NR1D2: variants seen among roughly 807,000 people sequenced by gnomAD.
NR1D2 encodes V-erbA-related protein 1-related.
In NR1D2, 25 loss-of-function variants were observed where a neutral mutation model predicts 52.2. That is an observed-to-expected ratio of 0.48 (90% CI 0.35 to 0.67). The LOEUF (loss-of-function observed/expected upper bound fraction) is 0.67. NR1D2 is among the 30% of genes least tolerant of loss of function. NR1D2 has a pLI of 0.01. For missense variants in NR1D2, 681 were observed against 707.2 expected (o/e 0.96, Z 0.42); for synonymous variants, 259 against 230.1 (o/e 1.13, Z -1.14).
At chr3:23,960,211 C>T (rs1298531253) in intron 4 of NR1D2, among the ~76,000 whole-genome samples, 2 of 152,030 alleles carry the variant, frequency 1.3e-5, no homozygotes, top group African/African-American at 4.8e-5. Context: ...GAGTTCCAGA[C>T]CAGCCATGGT....
intron 7 of NR1D2, among the ~76,000 whole-genome samples, chr3:23,968,598 A>G (rs192636721): frequency 3.3e-5 from 5 of 152,222 alleles, no homozygotes; most frequent in Admixed American, 3.3e-4. Flanking sequence ...TGTCTGGCAT[A>G]GAAGAGCTAC....
chr3:23,975,626 G>A (rs1706704384), intron 7 of NR1D2, among the ~76,000 whole-genome samples: 1 of 152,108 alleles, frequency 6.6e-6, no homozygotes, highest in South Asian at 2.1e-4. Flanking sequence ...AGGTGTGGTG[G>A]TGGGTGCCTG....
At chr3:23,945,794 G>A (rs1705661139) in intron 1 of NR1D2, among the ~76,000 whole-genome samples, 200 bp downstream of exon 1, 1 of 150,446 alleles carries the variant, frequency 6.6e-6, no homozygotes, top group Non-Finnish European at 1.5e-5. Flanking sequence ...TCCCTGCAAA[G>A]CCGCAGCGCG....
rs1706809607 is a variant in NR1D2 at position 23,978,943 on chromosome 3, G to A, written c.*1524G>A. The A allele has an allele frequency of 1.3e-5, 2 of 152,036 alleles. No individual in the cohort carries two copies. Among genetic ancestry groups the A allele is most frequent in the Admixed American group, 1.3e-4 (2 of 15,264 alleles). 9.4% of individuals were successfully genotyped at this position (152,036 alleles called of 1,614,324 possible). ...AAATAGCCAAAGTTGAGGATTTTAT[G>A]TATGTTTTCCTGTTTACCTGGAAAA... On this transcript the variant is annotated 3_prime_UTR_variant, in exon 8 of 8. Transcript: ENST00000312521.
chr3:23,976,766 C>T (rs1363314335), intron 7 of NR1D2, among the ~76,000 whole-genome samples: 2 of 152,086 alleles, frequency 1.3e-5, no homozygotes, highest in Non-Finnish European at 2.9e-5. Context: ...GAGGAGGTTG[C>T]GCAAGGGTGC....
chr3:23,980,141 A>C lies in NR1D2; in HGVS notation c.*2722A>C, dbSNP rs552198349. ...TTAAGTGTATAGCTTTCATATCTACATTTCAAGAAATTACCATTGTAACTT... is the reference window on the plus strand; with the variant it reads ...TTAAGTGTATAGCTTTCATATCTACCTTTCAAGAAATTACCATTGTAACTT... On this transcript the variant is annotated 3_prime_UTR_variant, in exon 8 of 8. Transcript: ENST00000312521. 3 of 152,306 alleles carry C rather than the reference A, an allele frequency of 2.0e-5. No homozygotes were observed. In the South Asian group the frequency reaches 6.2e-4, roughly 32 times the overall value. 9.4% of individuals were successfully genotyped at this position (152,306 alleles called of 1,614,324 possible). A position where few individuals can be genotyped will look rare whatever the true frequency, so the allele number is the denominator to read the frequency against.
At chr3:23,952,873 C>G (rs536915898) in intron 1 of NR1D2, among the ~76,000 whole-genome samples, 1 of 152,166 alleles carries the variant, frequency 6.6e-6, no homozygotes, top group Non-Finnish European at 1.5e-5. Context: ...GTTTCTTAGC[C>G]TCAATATATA....
At chr3:23,948,373 T>G (rs952284568) in intron 1 of NR1D2, among the ~76,000 whole-genome samples, 3 of 152,160 alleles carry the variant, frequency 2.0e-5, no homozygotes, top group African/African-American at 7.2e-5. Flanking sequence ...AAGAAATCTT[T>G]CCTTGGAGCA....
Position 23,945,447 on chromosome 3 carries a change from C to T in NR1D2, c.-132C>T. The T allele has an allele frequency of 2.8e-6, 1 of 355,212 alleles. No individual in the cohort carries two copies. The highest frequency in any genetic ancestry group is 4.1e-6 in the Non-Finnish European group (1 of 243,048). The allele number at this position is 355,212 out of a possible 1,614,324, so 22.0% of individuals were successfully genotyped here. A position where few individuals can be genotyped will look rare whatever the true frequency, so the allele number is the denominator to read the frequency against. On this transcript the variant is annotated 5_prime_UTR_variant, in exon 1 of 8. Transcript: ENST00000312521. ...ACGGCCTGGGGCCCGGGAGCCCCGC[C>T]CGCTCTGCCCATGAGGGGGCCCCGC...
In NR1D2 at chr3:23,959,655, C is replaced by T. The variant is rs772742246; in HGVS notation, c.373-16C>T. ...GGTGTTTTTAAATGGGTAAGTAAAT[C>T]TTCCTTTGTTCTTAGGGTTTCTTTC... On this transcript the variant is annotated splice_polypyrimidine_tract_variant and intron_variant, in intron 3 of 7. Transcript: ENST00000312521. 1 of 1,603,058 alleles carries T rather than the reference C, an allele frequency of 6.2e-7. No individual in the cohort carries two copies. The highest frequency in any genetic ancestry group is 1.7e-5 in the Admixed American group (1 of 57,598).
chr3:23,965,037 G>T lies in NR1D2; in HGVS notation c.1207G>T (p.Glu403Ter). 6.2e-7 allele frequency: 1 copy of T among 1,613,942 alleles called. No individual in the cohort carries two copies. The highest frequency in any genetic ancestry group is 8.5e-7 in the Non-Finnish European group (1 of 1,179,914). The change falls in exon 6 of 8, where the codon GAA (glutamate) becomes TAA (stop). Residue 403 changes from glutamate (E) to a stop codon, truncating the protein, a stop_gained. Transcript: ENST00000312521. LOFTEE classifies it high-confidence loss of function. Reference protein sequence around the residue: ...DPHKSGHEIWEEFSMSFTPAV... With the variant: ...DPHKSGHEIW ...TCATAAATCAGGACATGAAATCTGG[G>T]AAGAATTTTCGATGAGCTTCACTCC... is the stretch of plus-strand genomic sequence containing the variant.
intron 1 of NR1D2, among the ~76,000 whole-genome samples, chr3:23,950,814 C>T (rs891096758): frequency 5.9e-5 from 9 of 151,966 alleles, no homozygotes; most frequent in East Asian, 1.9e-4. Flanking sequence ...TAATTAATTA[C>T]GATACAGTCC....
intron 7 of NR1D2, among the ~76,000 whole-genome samples, chr3:23,968,432 T>C (rs1248908274): frequency 6.6e-6 from 1 of 152,168 alleles, no homozygotes; most frequent in Non-Finnish European, 1.5e-5. Context: ...ATTAGTGTGG[T>C]TTGTTGCAGA....
In NR1D2 at chr3:23,962,528, A is replaced by G. The variant is rs1468785782; in HGVS notation, c.1069A>G (p.Arg357Gly). 1.2e-6 allele frequency: 2 copies of G among 1,613,982 alleles called. No homozygotes were observed. Among genetic ancestry groups the G allele is most frequent in the Admixed American group, 1.7e-5 (1 of 60,016 alleles). ...SNAYTQRVCDRVPIDGFSQNE... is the reference protein window; with the variant it reads ...SNAYTQRVCDGVPIDGFSQNE... ...TGCTTATACTCAAAGAGTATGTGAT[A>G]GAGTTCCGATAGATGGATTTTCTCA... Residue 357 changes from arginine (R) to glycine (G), a missense_variant, in exon 5 of 8, where the codon AGA becomes GGA. Around this residue, in one of 3 missense-constraint regions of NR1D2, gnomAD observed 475 missense variants for 454.5 expected, o/e 1.05. Coordinates refer to ENST00000312521, the MANE Select transcript of NR1D2 (RefSeq NM_005126.5).
intron 1 of NR1D2, among the ~76,000 whole-genome samples, chr3:23,950,336 A>C (rs1705892185): frequency 6.6e-6 from 1 of 152,240 alleles, no homozygotes; most frequent in Admixed American, 6.5e-5. Flanking sequence ...CCTGCCACTT[A>C]GTGGCTGACT....
intron 1 of NR1D2, among the ~76,000 whole-genome samples, chr3:23,948,020 A>C (rs1705808798): frequency 6.6e-6 from 1 of 152,064 alleles, no homozygotes; most frequent in Non-Finnish European, 1.5e-5. Flanking sequence ...TATGAGGCTG[A>C]GCAGCAGAAT....
intron 3 of NR1D2, among the ~76,000 whole-genome samples, chr3:23,957,437 C>T (rs1166708092): frequency 7.6e-6 from 1 of 130,792 alleles, no homozygotes; most frequent in African/African-American, 3.0e-5. Flanking sequence ...AAGTAATAGG[C>T]CAGGTGCGGT....
Position 23,962,009 on chromosome 3 carries a change from A to G in NR1D2, c.550A>G (p.Lys184Glu). ...VRFGRIPKRE[K>E]QRMLIEMQSA... is the part of the protein sequence containing the mutation. ...GTTTGGTCGTATTCCTAAGCGTGAA[A>G]AACAGAGGATGCTAATTGAAATGCA... The change falls in exon 5 of 8, where the codon AAA becomes GAA. Residue 184 changes from lysine to glutamate, a missense_variant. Transcript: ENST00000312521. 6.2e-7 allele frequency: 1 copy of G among 1,611,930 alleles called. No individual in the cohort carries two copies. Among genetic ancestry groups the G allele is most frequent in the Non-Finnish European group, 8.5e-7 (1 of 1,178,528 alleles).
At chr3:23,972,328 C>T (rs973177519) in intron 7 of NR1D2, among the ~76,000 whole-genome samples, 7 of 152,200 alleles carry the variant, frequency 4.6e-5, no homozygotes, top group African/African-American at 1.7e-4. Context: ...ATTAGTCTGG[C>T]TTCAAAGCCT....
Sources: allele counts gnomAD v4.1 joint callset (sites outside exome capture counted in the v4.1 genomes callset), GRCh38; gene constraint gnomAD v4.1.1; regional missense constraint gnomAD v4.1.1; transcripts MANE v1.5; gene names NCBI Gene and HGNC (gene_info 2026-07-23, HGNC 2026-07-21).